Variants in NCK1 observed in about 807,000 individuals in gnomAD.
The protein encoded by NCK1 is SH2/SH3 adapter protein NCK1.
Under a neutral mutation model 36.6 loss-of-function variants are expected in NCK1, and 19 were observed. The observed-to-expected ratio is 0.52, with a 90% CI of 0.36 to 0.76. NCK1 has a LOEUF of 0.76. NCK1 is among the 30% of genes least tolerant of loss of function. The pLI, the probability that NCK1 is intolerant of heterozygous loss-of-function variation, is 0.00. For missense variants in NCK1, 358 were observed against 445.6 expected (o/e 0.80, Z 1.77); for synonymous variants, 165 against 156.0 (o/e 1.06, Z -0.43).
At chr3:136,925,374 A>G (rs915201924) in intron 1 of NCK1, among the ~76,000 whole-genome samples, 1 of 152,170 alleles carries the variant, frequency 6.6e-6, no homozygotes, top group East Asian at 1.9e-4. Flanking sequence ...TCCACATGCA[A>G]TTCTGAGAAA....
chr3:136,864,360 A>G (rs1452499497), intron 1 of NCK1, among the ~76,000 whole-genome samples: 1 of 150,560 alleles, frequency 6.6e-6, no homozygotes, highest in Non-Finnish European at 1.5e-5. Context: ...GCGTGGTGGC[A>G]CGCACCTGTA....
intron 1 of NCK1, among the ~76,000 whole-genome samples, chr3:136,921,932 C>A (rs1940120688): frequency 1.3e-5 from 2 of 152,176 alleles, no homozygotes; most frequent in Admixed American, 6.5e-5. Context: ...TACAGGCACG[C>A]ACCACCACGC....
At chr3:136,900,774 A>G (rs942734649) in intron 1 of NCK1, among the ~76,000 whole-genome samples, 1 of 152,142 alleles carries the variant, frequency 6.6e-6, no homozygotes, top group Non-Finnish European at 1.5e-5. Flanking sequence ...TTGTCCTGCA[A>G]CTTTACTGAA....
chr3:136,921,663 A>G (rs917258276), intron 1 of NCK1, among the ~76,000 whole-genome samples: 1 of 152,240 alleles, frequency 6.6e-6, no homozygotes, highest in Non-Finnish European at 1.5e-5. Flanking sequence ...TTCAGTAACT[A>G]TTGCAGTAGG....
chr3:136,915,564 G>T (rs758090996), intron 1 of NCK1, among the ~76,000 whole-genome samples: 4 of 152,076 alleles, frequency 2.6e-5, no homozygotes, highest in Non-Finnish European at 5.9e-5. Flanking sequence ...ACTTTAATAG[G>T]GCTGTATTAG....
Position 136,945,907 on chromosome 3 carries a change from A to T in NCK1, c.551A>T (p.Asn184Ile), listed in dbSNP as rs145545353. Residue 184 changes from asparagine to isoleucine, a missense_variant, in exon 3 of 4, where the codon AAT becomes ATT. Asn to Ile is a moderately radical substitution (Grantham distance 149, BLOSUM62 -3). Transcript: ENST00000481752. ...TCAGAGAAATTAGCAGCAGTCGTCA[A>T]TAACCTAAATACTGGGCAAGTGTTG... Reference protein sequence around the residue: ...SLSEKLAAVVNNLNTGQVLHV... With the variant: ...SLSEKLAAVVINLNTGQVLHV... 6 of 1,614,152 alleles carry T rather than the reference A, an allele frequency of 3.7e-6. No individual in the cohort carries two copies. Among genetic ancestry groups the T allele is most frequent in the Non-Finnish European group, 5.1e-6 (6 of 1,180,024 alleles).
intron 2 of NCK1, among the ~76,000 whole-genome samples, chr3:136,936,634 G>C (rs1018040307): frequency 6.6e-6 from 1 of 152,090 alleles, no homozygotes; most frequent in Non-Finnish European, 1.5e-5. Flanking sequence ...CCATATCCTT[G>C]CCAACACCTA....
At chr3:136,894,674 G>A (rs1385872459) in intron 1 of NCK1, among the ~76,000 whole-genome samples, 1 of 152,070 alleles carries the variant, frequency 6.6e-6, no homozygotes, top group African/African-American at 2.4e-5. Flanking sequence ...GGCAGGAAAG[G>A]CAAACTCATT....
At chr3:136,930,443 C>G (rs1411326303) in intron 2 of NCK1, 1 of 1,241,408 alleles carries the variant, frequency 8.1e-7, no homozygotes, top group Non-Finnish European at 1.0e-6. Context: ...TGGGTGTGGG[C>G]CAGGTCACAT....
intron 2 of NCK1, chr3:136,930,727 A>C (rs1940369207): frequency 1.5e-6 from 1 of 670,698 alleles, no homozygotes. Context: ...ATGTAATATA[A>C]ACCAAATGAT....
At chr3:136,878,938 C>T (rs570961811) in intron 1 of NCK1, among the ~76,000 whole-genome samples, 2 of 152,192 alleles carry the variant, frequency 1.3e-5, no homozygotes, top group East Asian at 3.9e-4. Context: ...AGAATTCTGG[C>T]AATCAAGTAG....
At chr3:136,906,719 G>A (rs1431823356) in intron 1 of NCK1, among the ~76,000 whole-genome samples, 1 of 152,176 alleles carries the variant, frequency 6.6e-6, no homozygotes, top group Non-Finnish European at 1.5e-5. Context: ...GGTGTAGGCA[G>A]TGGCTGTGAT....
chr3:136,887,342 T>C (rs35039322), intron 1 of NCK1, among the ~76,000 whole-genome samples: 40 of 152,304 alleles, frequency 2.6e-4, no homozygotes, highest in South Asian at 6.2e-4. Context: ...ATTTTTTTTC[T>C]ATCTTAACAT....
chr3:136,899,371 G>C (rs907439588), intron 1 of NCK1: 1 of 272,282 alleles, frequency 3.7e-6, no homozygotes, highest in Middle Eastern at 5.8e-4. Flanking sequence ...TTTGGATTTA[G>C]GTTCCTTCTC....
At chr3:136,872,741 A>T (rs2117010) in intron 1 of NCK1, among the ~76,000 whole-genome samples, 103,866 of 152,100 alleles carry the variant, frequency 0.68, 35,761 homozygotes, top group East Asian at 0.87. Flanking sequence ...CTTGGTACCC[A>T]GCATTCCAGC....
At position 136,862,262 on chromosome 3, in the gene NCK1, G is replaced by A. The variant is rs985939008; in HGVS notation, c.-110G>A. The A allele has an allele frequency of 6.6e-6, 1 of 152,652 alleles. No homozygotes were observed. The highest frequency in any genetic ancestry group is 2.4e-5 in the African/African-American group (1 of 41,450). The allele number at this position is 152,652 out of a possible 1,614,324, so 9.5% of individuals were successfully genotyped here. A position where few individuals can be genotyped will look rare whatever the true frequency, so the allele number is the denominator to read the frequency against. ...GCTACGCGGCGGCGGCGGAGCGCAG[G>A]CCTCGTGCCGTTACGGCCATCACGG... On this transcript the variant is annotated 5_prime_UTR_variant, in exon 1 of 4. Transcript: ENST00000481752.
At chr3:136,893,822 A>G (rs1196634547) in intron 1 of NCK1, among the ~76,000 whole-genome samples, 1 of 152,192 alleles carries the variant, frequency 6.6e-6, no homozygotes, top group Non-Finnish European at 1.5e-5. Flanking sequence ...TGCAACTGGT[A>G]TTGAGGCAGG....
chr3:136,934,215 G>A (rs1275571725), intron 2 of NCK1, among the ~76,000 whole-genome samples: 1 of 151,742 alleles, frequency 6.6e-6, no homozygotes, highest in Admixed American at 6.6e-5. Flanking sequence ...TAACTTTTAG[G>A]GTTGGGGGTA....
In NCK1 at chr3:136,920,459, G is replaced by A. The variant is rs115565006; in HGVS notation, c.-18-7525G>A. Among the ~76,000 whole-genome samples the A allele has an allele frequency of 7.4e-3, 1,128 of 152,046 alleles. 18 individuals are homozygous for A. The highest frequency in any genetic ancestry group is 0.026 in the African/African-American group (1,076 of 41,490). On this transcript the variant is annotated intron_variant, in intron 1 of 3. Transcript: ENST00000481752. ...ACTAGGAGACAGAGCAAAGGAATGA[G>A]AATAAAGAAAGATAAGCAAAAAGTT...
Sources: gnomAD v4.1 joint callset for allele counts (sites outside exome capture counted in the v4.1 genomes callset) on GRCh38, gnomAD v4.1.1 for gene constraint, MANE v1.5 for transcripts, NCBI Gene and HGNC (gene_info 2026-07-23, HGNC 2026-07-21) for gene names.